The following SEPTIN9 variants were observed in gnomAD, a reference collection of about 807,000 sequenced individuals.
SEPTIN9 encodes the protein septin-9.
In SEPTIN9, 13 loss-of-function variants were observed where a neutral mutation model predicts 56.6. That is an observed-to-expected ratio of 0.23 (90% CI 0.15 to 0.37). SEPTIN9 has a LOEUF of 0.37. Ranked by LOEUF, SEPTIN9 falls within the 10% of genes least tolerant of loss-of-function variation. The pLI is 1.00. For synonymous variants in SEPTIN9, 332 were observed against 334.1 expected (o/e 0.99, Z 0.07); for missense variants, 650 against 823.1 (o/e 0.79, Z 2.57).
At position 77,451,380 on chromosome 17, in the gene SEPTIN9, C is replaced by T. The variant is rs904100461; in HGVS notation, c.722-30764C>T. 2.0e-6 allele frequency: 2 copies of T among 985,762 alleles called. No homozygotes were observed. The allele number at this position is 985,762 out of a possible 1,614,324, so 61.1% of individuals were successfully genotyped here. On this transcript the variant is annotated intron_variant, in intron 3 of 11. Coordinates refer to ENST00000427177, the MANE Select transcript of SEPTIN9 (RefSeq NM_001113491.2). This position sits in a 1 kb window ranked among gnomAD's most constrained non-coding sequence, Gnocchi z 4.2. Reference sequence around the variant, plus strand: ...CTCCCTTCCCAGGCAGTCGAGGTCCCTCCCTACCTCTGCCCCGCGCTCTGG... The same window carrying T: ...CTCCCTTCCCAGGCAGTCGAGGTCCTTCCCTACCTCTGCCCCGCGCTCTGG...
chr17:77,449,880 G>A lies in SEPTIN9; in HGVS notation c.722-32264G>A, dbSNP rs1206603373. Among the ~76,000 whole-genome samples, 1 of 152,198 alleles carries A rather than the reference G, an allele frequency of 6.6e-6. No homozygotes were observed. Among genetic ancestry groups the A allele is most frequent in the Non-Finnish European group, 1.5e-5 (1 of 68,034 alleles). On this transcript the variant is annotated intron_variant, in intron 3 of 11. Coordinates refer to ENST00000427177, the MANE Select transcript of SEPTIN9 (RefSeq NM_001113491.2). The surrounding 1 kb of genome is among the most constrained non-coding windows in gnomAD (Gnocchi z 4.6). ...TGTAATTTTGGCGACTGGTGTTGGTGGTGCCCATTTTATGGATGGGGAAGG... is the reference window on the plus strand; with the variant it reads ...TGTAATTTTGGCGACTGGTGTTGGTAGTGCCCATTTTATGGATGGGGAAGG...
chr17:77,341,659 C>T (rs982045826), intron 2 of SEPTIN9, among the ~76,000 whole-genome samples: 13 of 151,674 alleles, frequency 8.6e-5, no homozygotes, highest in African/African-American at 2.2e-4. Flanking sequence ...CCTGTAGTCC[C>T]AGCTACTGGG....
chr17:77,491,026 C>A (rs2040003303), intron 8 of SEPTIN9, among the ~76,000 whole-genome samples, 167 bp downstream of exon 8: 2 of 152,194 alleles, frequency 1.3e-5, no homozygotes, highest in Admixed American at 1.3e-4. Context: ...CAGGTGGCTG[C>A]TGGGGGCCGT....
chr17:77,416,410 C>G (rs2036509822), intron 3 of SEPTIN9, among the ~76,000 whole-genome samples: 1 of 152,196 alleles, frequency 6.6e-6, no homozygotes, highest in South Asian at 2.1e-4. Flanking sequence ...TGGTGCTGAG[C>G]CCCCGGCCCT....
At chr17:77,332,709 G>A (rs2033410498) in intron 2 of SEPTIN9, among the ~76,000 whole-genome samples, 1 of 151,954 alleles carries the variant, frequency 6.6e-6, no homozygotes, top group Non-Finnish European at 1.5e-5. Flanking sequence ...CCTTCCCCAG[G>A]GCAACCACAA....
At chr17:77,281,794 G>A in intron 1 of SEPTIN9, 1 of 503,104 alleles carries the variant, frequency 2.0e-6, no homozygotes, top group South Asian at 2.8e-5. Context: ...TGCCCTGGGG[G>A]ACGCTCCCTC....
intron 3 of SEPTIN9, among the ~76,000 whole-genome samples, chr17:77,447,636 G>GT (rs780708689): frequency 7.2e-5 from 11 of 152,156 alleles, no homozygotes; most frequent in Non-Finnish European, 1.6e-4. Context: ...TTTTTTGTTT[G>GT]TTTTTTGAGA....
At position 77,371,635 on chromosome 17, in the gene SEPTIN9, C is replaced by T. The variant is rs977873066; in HGVS notation, c.77-30424C>T. On this transcript the variant is annotated intron_variant, in intron 2 of 11. Transcript: ENST00000427177. This position sits in a 1 kb window ranked among gnomAD's most constrained non-coding sequence, Gnocchi z 4.1. Reference sequence around the variant, plus strand: ...GTGGCCCAGTAGGGGCTGGACTATCCGATAGGCCCAGGTGCTGGAGTTCAG... The same window carrying T: ...GTGGCCCAGTAGGGGCTGGACTATCTGATAGGCCCAGGTGCTGGAGTTCAG... Among the ~76,000 whole-genome samples the T allele has an allele frequency of 7.9e-5, 12 of 152,274 alleles. No individual in the cohort carries two copies. The highest frequency in any genetic ancestry group is 3.4e-3 in the Middle Eastern group (1 of 294).
intron 3 of SEPTIN9, among the ~76,000 whole-genome samples, chr17:77,479,593 G>T (rs963824713): frequency 1.1e-4 from 17 of 152,364 alleles, no homozygotes; most frequent in Admixed American, 2.6e-4. Flanking sequence ...GGGGCCCCTG[G>T]TGGGCAGGAT....
chr17:77,298,733 A>G (rs1024320464), intron 1 of SEPTIN9, among the ~76,000 whole-genome samples: 4 of 152,034 alleles, frequency 2.6e-5, no homozygotes, highest in Admixed American at 2.6e-4. Context: ...TCTGCATCTC[A>G]TTGCTTCCTG....
intron 3 of SEPTIN9, among the ~76,000 whole-genome samples, chr17:77,419,349 C>A (rs2036613079): frequency 7.6e-6 from 1 of 131,038 alleles, no homozygotes; most frequent in Admixed American, 7.2e-5. Context: ...AGTAACAGGC[C>A]CGTGGTCAGC....
At chr17:77,333,094 TC>T (rs1211284404) in intron 2 of SEPTIN9, among the ~76,000 whole-genome samples, 3 of 152,332 alleles carry the variant, frequency 2.0e-5, no homozygotes, top group African/African-American at 4.8e-5. Flanking sequence ...GGATACGAGT[TC>T]TAGTTGCTCC....
At position 77,436,596 on chromosome 17, in the gene SEPTIN9, C is replaced by A. The variant is rs1316342442; in HGVS notation, c.721+33893C>A. 6.6e-6 allele frequency among the ~76,000 whole-genome samples: 1 copy of A among 152,230 alleles called. No individual in the cohort carries two copies. Reference sequence around the variant, plus strand: ...TCAGCCTGGAATGATCAGTGTCCAGCTTTTCTCGCCCCTCTCCTGCCCCGC... The same window carrying A: ...TCAGCCTGGAATGATCAGTGTCCAGATTTTCTCGCCCCTCTCCTGCCCCGC... On this transcript the variant is annotated intron_variant, in intron 3 of 11. Coordinates refer to ENST00000427177, the MANE Select transcript of SEPTIN9 (RefSeq NM_001113491.2). This position sits in a 1 kb window ranked among gnomAD's most constrained non-coding sequence, Gnocchi z 4.4.
At chr17:77,328,262 G>A (rs1455287942) in intron 2 of SEPTIN9, among the ~76,000 whole-genome samples, 1 of 152,238 alleles carries the variant, frequency 6.6e-6, no homozygotes, top group East Asian at 1.9e-4. Context: ...ACCAACAGGT[G>A]TCAGCTGTGA....
chr17:77,450,435 A>T lies in SEPTIN9; in HGVS notation c.722-31709A>T. ...CCAAAGGCTTCTTTCCATTTGAGTGAATCCCTCCCAGCCCCCAGCAAGCCC... is the reference window on the plus strand; with the variant it reads ...CCAAAGGCTTCTTTCCATTTGAGTGTATCCCTCCCAGCCCCCAGCAAGCCC... On this transcript the variant is annotated intron_variant, in intron 3 of 11. Transcript: ENST00000427177. The surrounding 1 kb of genome is among the most constrained non-coding windows in gnomAD (Gnocchi z 6.0). 3.1e-6 allele frequency: 3 copies of T among 969,084 alleles called. No individual in the cohort carries two copies. Among genetic ancestry groups the T allele is most frequent in the Non-Finnish European group, 3.7e-6 (3 of 815,048 alleles). The allele number at this position is 969,084 out of a possible 1,614,324, so 60.0% of individuals were successfully genotyped here.
chr17:77,432,046 G>C (rs903263951), intron 3 of SEPTIN9, among the ~76,000 whole-genome samples: 3 of 152,074 alleles, frequency 2.0e-5, no homozygotes, highest in Admixed American at 6.6e-5. Context: ...AGCTGGGGGT[G>C]GGGGGCAGCA....
chr17:77,478,803 TAAAAA>T (rs528548050), intron 3 of SEPTIN9, among the ~76,000 whole-genome samples: 1 of 102,690 alleles, frequency 9.7e-6, no homozygotes, highest in Non-Finnish European at 2.2e-5. Flanking sequence ...AAACTCTGTC[TAAAAA>T]AAAAAAAAAA....
At chr17:77,283,122 C>T (rs71384157) in intron 1 of SEPTIN9, among the ~76,000 whole-genome samples, 2 of 151,370 alleles carry the variant, frequency 1.3e-5, no homozygotes, top group African/African-American at 4.9e-5. Flanking sequence ...CTTTTCTCCT[C>T]TCCTCCACAC....
In SEPTIN9 at chr17:77,364,212, C is replaced by T. The variant is rs147946940; in HGVS notation, c.77-37847C>T. 4.7e-3 allele frequency among the ~76,000 whole-genome samples: 723 copies of T among 152,350 alleles called. 4 individuals are homozygous for T. Among genetic ancestry groups the T allele is most frequent in the Non-Finnish European group, 7.8e-3 (530 of 68,024 alleles). ...CGCACCCCGCGCTTCCTGTCTGCCT[C>T]CCACGCAGAGCGTTCTGTTCCCAAG... On this transcript the variant is annotated intron_variant, in intron 2 of 11. Coordinates refer to ENST00000427177, the MANE Select transcript of SEPTIN9 (RefSeq NM_001113491.2).
Sources: gnomAD v4.1 joint callset for allele counts (sites outside exome capture counted in the v4.1 genomes callset) on GRCh38, gnomAD v4.1.1 for gene constraint, Gnocchi (gnomAD v3.1) non-coding constraint, MANE v1.5 for transcripts, NCBI Gene and HGNC (gene_info 2026-07-23, HGNC 2026-07-21) for gene names.